ETV6: variants seen among roughly 807,000 people sequenced by gnomAD.
ETV6 encodes transcription factor ETV6.
ETV6 carries 16 observed loss-of-function variants against 51.1 expected under a neutral mutation model. The ratio of observed to expected loss-of-function variants is 0.31; its 90% CI spans 0.21 to 0.48. ETV6 has a LOEUF of 0.48. Ranked by LOEUF, ETV6 falls within the 20% of genes least tolerant of loss-of-function variation. ETV6 has a pLI of 0.99. For synonymous variants in ETV6, 240 were observed against 224.1 expected (o/e 1.07, Z -0.64); for missense variants, 458 against 594.8 (o/e 0.77, Z 2.39).
At chr12:11,838,608 G>A (rs1946347911) in intron 2 of ETV6, among the ~76,000 whole-genome samples, 2 of 152,240 alleles carry the variant, frequency 1.3e-5, no homozygotes, top group South Asian at 4.1e-4. Flanking sequence ...AAGTTTCAGG[G>A]AACATTTCAT....
intron 1 of ETV6, among the ~76,000 whole-genome samples, chr12:11,696,419 A>C (rs1419709214): frequency 3.9e-5 from 6 of 152,202 alleles, no homozygotes; most frequent in Admixed American, 3.9e-4. Context: ...TTGTGAGTAA[A>C]ATAGGGATTA....
At chr12:11,696,457 A>G (rs1289843176) in intron 1 of ETV6, among the ~76,000 whole-genome samples, 1 of 152,234 alleles carries the variant, frequency 6.6e-6, no homozygotes, top group Non-Finnish European at 1.5e-5. Context: ...TGGAGTTGCA[A>G]TAAAAACTAA....
intron 2 of ETV6, among the ~76,000 whole-genome samples, chr12:11,768,695 C>T (rs1339978624): frequency 1.3e-5 from 2 of 152,172 alleles, no homozygotes; most frequent in African/African-American, 2.4e-5. Context: ...AAATAATATA[C>T]CTGGGTGATA....
At chr12:11,751,482 G>A (rs1445378981) in intron 1 of ETV6, 3 of 517,036 alleles carry the variant, frequency 5.8e-6, no homozygotes, top group Non-Finnish European at 1.2e-5. Context: ...AGTCAACCTA[G>A]TTGGCATGTT....
intron 1 of ETV6, among the ~76,000 whole-genome samples, chr12:11,743,101 C>G (rs183945702): frequency 6.9e-4 from 105 of 152,210 alleles, no homozygotes; most frequent in South Asian, 8.3e-4. Flanking sequence ...AGCCACTGCG[C>G]CAGACCTCTT....
chr12:11,812,274 G>A (rs1240978022), intron 2 of ETV6, among the ~76,000 whole-genome samples: 1 of 152,088 alleles, frequency 6.6e-6, no homozygotes, highest in African/African-American at 2.4e-5. Flanking sequence ...CAGTCCTGAG[G>A]CCCCTTCCGC....
chr12:11,858,181 A>G (rs1269840715), intron 4 of ETV6, among the ~76,000 whole-genome samples: 1 of 152,224 alleles, frequency 6.6e-6, no homozygotes, highest in East Asian at 1.9e-4. Context: ...TATCTTTGTA[A>G]TATGAATTAG....
At chr12:11,837,782 A>G (rs1355142834) in intron 2 of ETV6, among the ~76,000 whole-genome samples, 2 of 152,212 alleles carry the variant, frequency 1.3e-5, no homozygotes, top group Admixed American at 1.3e-4. Context: ...ATTTTAGAGA[A>G]TGAAGATCCA....
chr12:11,772,397 A>G (rs1337886869), intron 2 of ETV6, among the ~76,000 whole-genome samples: 1 of 152,214 alleles, frequency 6.6e-6, no homozygotes, highest in East Asian at 1.9e-4. Flanking sequence ...AAGGTGTCCG[A>G]ATAGTAAAGA....
intron 2 of ETV6, among the ~76,000 whole-genome samples, chr12:11,774,049 G>A (rs980868171): frequency 2.6e-5 from 4 of 152,188 alleles, no homozygotes; most frequent in African/African-American, 7.2e-5. Flanking sequence ...GAGCTCAGCC[G>A]GCTGAGGGTT....
chr12:11,704,456 C>T (rs1047687170), intron 1 of ETV6, among the ~76,000 whole-genome samples: 5 of 152,292 alleles, frequency 3.3e-5, no homozygotes, highest in African/African-American at 1.2e-4. Flanking sequence ...AAGCGATTCT[C>T]CTGTCCCAGC....
intron 2 of ETV6, among the ~76,000 whole-genome samples, chr12:11,804,189 T>C (rs763187580): frequency 3.9e-5 from 6 of 152,196 alleles, no homozygotes; most frequent in Non-Finnish European, 7.3e-5. Context: ...TCATGTTGCT[T>C]ACAGTTTAAT....
chr12:11,755,419 T>C (rs1944993884), intron 2 of ETV6, among the ~76,000 whole-genome samples: 2 of 152,210 alleles, frequency 1.3e-5, no homozygotes, highest in African/African-American at 4.8e-5. Context: ...TGAGACCTAT[T>C]GTGACACCAT....
chr12:11,650,227 C>G, intron 1 of ETV6, 67 bp downstream of exon 1: 1 of 1,383,710 alleles, frequency 7.2e-7, no homozygotes, highest in South Asian at 1.2e-5. Flanking sequence ...GGCAGTCGTG[C>G]TGGGCTCCTC....
At chr12:11,769,532 G>T (rs146882925) in intron 2 of ETV6, among the ~76,000 whole-genome samples, 1,869 of 152,196 alleles carry the variant, frequency 0.012, 39 homozygotes, top group African/African-American at 0.043. Context: ...TACTATGTAG[G>T]TGTCATTTCG....
chr12:11,865,893 C>T (rs920896799), intron 4 of ETV6, among the ~76,000 whole-genome samples: 12 of 151,770 alleles, frequency 7.9e-5, no homozygotes, highest in African/African-American at 1.5e-4. Flanking sequence ...CTTGGACCTT[C>T]GAATTTACTG....
chr12:11,668,679 C>G (rs1212584682), intron 1 of ETV6, among the ~76,000 whole-genome samples: 1 of 152,200 alleles, frequency 6.6e-6, no homozygotes, highest in African/African-American at 2.4e-5. Context: ...GTTGCAAGGA[C>G]ACTTAAGCCT....
At chr12:11,841,595 C>A (rs1322538019) in intron 3 of ETV6, among the ~76,000 whole-genome samples, 1 of 152,138 alleles carries the variant, frequency 6.6e-6, no homozygotes, top group Non-Finnish European at 1.5e-5. Flanking sequence ...TAGGAGGTGG[C>A]AATAGAAATT....
intron 1 of ETV6, among the ~76,000 whole-genome samples, chr12:11,669,565 T>C (rs922303295): frequency 6.6e-6 from 1 of 152,068 alleles, no homozygotes; most frequent in African/African-American, 2.4e-5. Context: ...TACATCTCTA[T>C]CTCCTGTGGC....
Sources: gnomAD v4.1 joint callset for allele counts (sites outside exome capture counted in the v4.1 genomes callset) on GRCh38, gnomAD v4.1.1 for gene constraint, MANE v1.5 for transcripts, NCBI Gene and HGNC (gene_info 2026-07-23, HGNC 2026-07-21) for gene names.